Variants in DNAJB4 observed in about 807,000 individuals in gnomAD.
The protein encoded by DNAJB4 is dnaJ homolog subfamily B member 4.
Under a neutral mutation model 26.6 loss-of-function variants are expected in DNAJB4, and 10 were observed. The ratio of observed to expected loss-of-function variants is 0.38; its 90% CI spans 0.23 to 0.64. DNAJB4 has a LOEUF of 0.64. DNAJB4 is among the 30% of genes least tolerant of loss of function. DNAJB4 has a pLI of 0.58. For synonymous variants in DNAJB4, 136 were observed against 134.8 expected (o/e 1.01, Z -0.06); for missense variants, 328 against 408.2 (o/e 0.80, Z 1.69).
At chr1:77,996,889 G>A (rs1301720950) in intron 1 of DNAJB4, among the ~76,000 whole-genome samples, 2 of 152,046 alleles carry the variant, frequency 1.3e-5, no homozygotes, top group Non-Finnish European at 2.9e-5. Flanking sequence ...TGTCACCCGG[G>A]TGGACTGCGA....
upstream of DNAJB4, chr1:77,979,294 G>A (rs1659385308): frequency 5.0e-6 from 2 of 396,488 alleles, no homozygotes; most frequent in Non-Finnish European, 9.3e-6. Flanking sequence ...CGTTCTTGGG[G>A]TGAGGCTGGG....
At chr1:77,986,516 C>T (rs985555510) in intron 1 of DNAJB4, among the ~76,000 whole-genome samples, 1 of 152,176 alleles carries the variant, frequency 6.6e-6, no homozygotes, top group Non-Finnish European at 1.5e-5. Context: ...TTGCCATTCA[C>T]GTCAGTAATT....
At chr1:77,993,633 C>T (rs920542172) in intron 1 of DNAJB4, among the ~76,000 whole-genome samples, 1 of 152,104 alleles carries the variant, frequency 6.6e-6, no homozygotes, top group Non-Finnish European at 1.5e-5. Flanking sequence ...GTATAAACTC[C>T]TTAAGGGTAG....
chr1:77,997,937 G>C (rs757347302), intron 1 of DNAJB4, among the ~76,000 whole-genome samples: 1 of 151,956 alleles, frequency 6.6e-6, no homozygotes, highest in Non-Finnish European at 1.5e-5. Context: ...ACAGGTGCAC[G>C]CCACCATGCC....
chr1:77,989,001 T>C (rs1196104034), intron 1 of DNAJB4, among the ~76,000 whole-genome samples: 1 of 152,190 alleles, frequency 6.6e-6, no homozygotes, highest in Non-Finnish European at 1.5e-5. Flanking sequence ...TGCTTCCCTA[T>C]TTTCCATAAT....
intron 1 of DNAJB4, among the ~76,000 whole-genome samples, chr1:77,981,471 G>A (rs537688406): frequency 3.3e-5 from 5 of 152,088 alleles, no homozygotes; most frequent in East Asian, 3.9e-4. Flanking sequence ...CCACCACTAC[G>A]CCCAGCTGAT....
chr1:77,982,626 C>T (rs1457370628), intron 1 of DNAJB4, among the ~76,000 whole-genome samples: 4 of 152,232 alleles, frequency 2.6e-5, no homozygotes, highest in East Asian at 1.9e-4. Flanking sequence ...AGTGAAACAT[C>T]GGCTCTACTA....
chr1:78,008,708 T>C (rs1660391880), intron 1 of DNAJB4, among the ~76,000 whole-genome samples: 1 of 152,162 alleles, frequency 6.6e-6, no homozygotes, highest in South Asian at 2.1e-4. Flanking sequence ...TTGAATTGTA[T>C]TTGTACAATA....
At chr1:78,006,264 C>T (rs997021198) in intron 1 of DNAJB4, among the ~76,000 whole-genome samples, 2 of 152,114 alleles carry the variant, frequency 1.3e-5, no homozygotes, top group Non-Finnish European at 2.9e-5. Flanking sequence ...TCCATATAAA[C>T]GGGGCTATGA....
At position 77,999,109 on chromosome 1, in the gene DNAJB4, T is replaced by C. The variant is rs148761959; in HGVS notation, c.-31-5971T>C. Among the ~76,000 whole-genome samples the C allele has an allele frequency of 1.4e-3, 211 of 152,294 alleles. 2 individuals carry two copies. In the South Asian group the frequency reaches 0.02, roughly 15 times the overall value. On this transcript the variant is annotated intron_variant, in intron 1 of 2. Transcript: ENST00000426517. ...AGTGCTTACTGGTTTTTTAGGAAATTATAGTATGTAGAGGTAAGATATAGT... is the reference window on the plus strand; with the variant it reads ...AGTGCTTACTGGTTTTTTAGGAAATCATAGTATGTAGAGGTAAGATATAGT...
intron 1 of DNAJB4, among the ~76,000 whole-genome samples, chr1:78,008,289 C>T (rs1334524067): frequency 1.3e-5 from 2 of 152,134 alleles, no homozygotes; most frequent in Non-Finnish European, 2.9e-5. Context: ...AGACATGTAC[C>T]TGAATGCTTA....
At chr1:78,005,744 T>C (rs1008086015) in intron 1 of DNAJB4, among the ~76,000 whole-genome samples, 2 of 152,246 alleles carry the variant, frequency 1.3e-5, no homozygotes, top group Non-Finnish European at 2.9e-5. Flanking sequence ...AACCTTAAGA[T>C]TGGCATTTCA....
chr1:78,016,438 A>T lies in DNAJB4; in HGVS notation c.*191A>T. 1.8e-6 allele frequency: 1 copy of T among 556,122 alleles called. No homozygotes were observed. The highest frequency in any genetic ancestry group is 2.6e-5 in the South Asian group (1 of 38,956). 34.4% of individuals were successfully genotyped at this position (556,122 alleles called of 1,614,324 possible). A position where few individuals can be genotyped will look rare whatever the true frequency, so the allele number is the denominator to read the frequency against. ...TTTACAGTTAGAGATAAAAGAGAAAACCATTCACTGTATTTTATTTCATTT... is the reference window on the plus strand; with the variant it reads ...TTTACAGTTAGAGATAAAAGAGAAATCCATTCACTGTATTTTATTTCATTT... On this transcript the variant is annotated 3_prime_UTR_variant, in exon 3 of 3. Coordinates refer to ENST00000370763, the MANE Select transcript of DNAJB4 (RefSeq NM_007034.5).
chr1:77,987,536 T>C (rs1047425483), intron 1 of DNAJB4, among the ~76,000 whole-genome samples: 1 of 152,152 alleles, frequency 6.6e-6, no homozygotes, highest in African/African-American at 2.4e-5. Context: ...AAGTGCTGAG[T>C]TTGAGCCACT....
In DNAJB4 at chr1:78,017,473, G is replaced by A. The variant is rs964901807; in HGVS notation, c.*1226G>A. 1 of 151,628 alleles carries A rather than the reference G, an allele frequency of 6.6e-6. No homozygotes were observed. The highest frequency in any genetic ancestry group is 1.5e-5 in the Non-Finnish European group (1 of 67,848). 9.4% of individuals were successfully genotyped at this position (151,628 alleles called of 1,614,324 possible). A position where few individuals can be genotyped will look rare whatever the true frequency, so the allele number is the denominator to read the frequency against. ...TCTTTTAGAAATCCAATATAAATAG[G>A]TTATAATAGCCATATTCTTTATTAC... On this transcript the variant is annotated 3_prime_UTR_variant, in exon 3 of 3. Transcript: ENST00000370763.
At chr1:77,994,828 CAT>C (rs1660023966) in intron 1 of DNAJB4, among the ~76,000 whole-genome samples, 1 of 152,074 alleles carries the variant, frequency 6.6e-6, no homozygotes, top group Non-Finnish European at 1.5e-5. Context: ...AAAAAATTAT[CAT>C]ATTGTTTATA....
chr1:77,997,408 C>A (rs1046866304), intron 1 of DNAJB4, among the ~76,000 whole-genome samples: 1 of 151,032 alleles, frequency 6.6e-6, no homozygotes, highest in African/African-American at 2.4e-5. Flanking sequence ...CCTGTAATAC[C>A]AGTTACTTGG....
chr1:77,990,977 A>G (rs928402501), intron 1 of DNAJB4, among the ~76,000 whole-genome samples: 2 of 152,216 alleles, frequency 1.3e-5, no homozygotes, highest in Admixed American at 6.5e-5. Context: ...GCATAAACAC[A>G]CAGATGGTTA....
At chr1:78,008,866 T>A (rs911800768) in intron 1 of DNAJB4, among the ~76,000 whole-genome samples, 1 of 152,194 alleles carries the variant, frequency 6.6e-6, no homozygotes. Context: ...TTGAATAGTT[T>A]AGTGGATGTC....
Sources: allele counts gnomAD v4.1 joint callset (sites outside exome capture counted in the v4.1 genomes callset), GRCh38; gene constraint gnomAD v4.1.1; transcripts MANE v1.5; gene names NCBI Gene and HGNC (gene_info 2026-07-23, HGNC 2026-07-21).